Variants in SRPK1 observed in about 807,000 individuals in gnomAD.
SRPK1 encodes SRSF protein kinase 1.
A neutral mutation model predicts 89.5 loss-of-function variants in SRPK1; 52 were observed. The observed-to-expected ratio is 0.58, with a 90% confidence interval of 0.46 to 0.73. The LOEUF (loss-of-function observed/expected upper bound fraction) is 0.73. Among genes scored for constraint, SRPK1 ranks in the 30% least tolerant of loss-of-function variants. SRPK1 has a pLI of 0.00. For missense variants in SRPK1, 603 were observed against 780.6 expected (o/e 0.77, Z 2.71); for synonymous variants, 255 against 270.2 (o/e 0.94, Z 0.55).
chr6:35,850,464 C>T (rs531061306), intron 13 of SRPK1, among the ~76,000 whole-genome samples: 1 of 152,212 alleles, frequency 6.6e-6, no homozygotes, highest in South Asian at 2.1e-4. Flanking sequence ...ACAATAGCCA[C>T]AGATCAAAAA....
intron 8 of SRPK1, 129 bp from the exon 9 acceptor site, chr6:35,871,088 G>C (rs1259999083): frequency 2.0e-6 from 1 of 508,388 alleles, no homozygotes; most frequent in Non-Finnish European, 3.3e-6. Context: ...GAAAACTATT[G>C]TTTTTAAATG....
chr6:35,883,034 C>T (rs1467214854), intron 6 of SRPK1, among the ~76,000 whole-genome samples: 1 of 152,142 alleles, frequency 6.6e-6, no homozygotes, highest in Non-Finnish European at 1.5e-5. Context: ...GTCTTGAACT[C>T]CTGACCTCGT....
At chr6:35,907,755 T>C (rs1369584212) in intron 2 of SRPK1, among the ~76,000 whole-genome samples, 2 of 151,968 alleles carry the variant, frequency 1.3e-5, no homozygotes, top group Non-Finnish European at 2.9e-5. Context: ...AGTGAACACA[T>C]GAATAACAAG....
In SRPK1 at chr6:35,869,865, A is replaced by T; in HGVS notation, c.1028T>A (p.Met343Lys). The change falls in exon 11 of 16, where the codon ATG (methionine) becomes AAG (lysine). Residue 343 changes from methionine (M) to lysine (K), a missense_variant. By Grantham distance (95) the Met-to-Lys change is moderately conservative. Transcript: ENST00000373825. ...TGCACCACCCTCTGTATCACGTTCC[A>T]TAAGCGTTTGATCCTGGCCAATGGT... ...SSTIGQDQTL[M>K]ERDTEGGAAE... 1 of 1,594,130 alleles carries T rather than the reference A, an allele frequency of 6.3e-7. No individual in the cohort carries two copies. The highest frequency in any genetic ancestry group is 1.1e-5 in the South Asian group (1 of 88,048).
intron 14 of SRPK1, among the ~76,000 whole-genome samples, chr6:35,840,218 A>G (rs1323921439): frequency 6.6e-6 from 1 of 152,210 alleles, no homozygotes; most frequent in East Asian, 1.9e-4. Context: ...ATAACATGCT[A>G]GAGACGTCCA....
chr6:35,915,091 C>T (rs556815120), intron 2 of SRPK1, among the ~76,000 whole-genome samples: 8 of 152,230 alleles, frequency 5.3e-5, no homozygotes, highest in African/African-American at 1.9e-4. Flanking sequence ...CCACTGTGCC[C>T]GGCCAAACCT....
chr6:35,880,770 ATGGCCAGACAGAATATTT>A (rs1770268044), intron 6 of SRPK1, among the ~76,000 whole-genome samples: 3 of 129,512 alleles, frequency 2.3e-5, no homozygotes, highest in South Asian at 2.7e-4. Flanking sequence ...AGAAGAAGAA[ATGGCCAGACAGAATATTT>A]GAAAAAAAAA....
chr6:35,859,214 AAAT>A (rs1270441111), intron 12 of SRPK1, among the ~76,000 whole-genome samples: 8 of 152,328 alleles, frequency 5.3e-5, no homozygotes, highest in Middle Eastern at 3.4e-3. Flanking sequence ...GGGAGGAAAA[AAAT>A]AATATGTAAC....
At chr6:35,870,899 G>C (rs1371765445) in intron 9 of SRPK1, 35 bp downstream of exon 9, 1 of 1,559,474 alleles carries the variant, frequency 6.4e-7, no homozygotes, top group South Asian at 1.2e-5. Context: ...ATAGTCCATA[G>C]ATCAAAATTA....
chr6:35,894,063 G>A (rs1365711588), intron 2 of SRPK1, among the ~76,000 whole-genome samples: 1 of 151,990 alleles, frequency 6.6e-6, no homozygotes, highest in Non-Finnish European at 1.5e-5. Flanking sequence ...GGGACGTAGG[G>A]CTATCAATCA....
In SRPK1 at chr6:35,872,681, G is replaced by A. The variant is rs1348049467; in HGVS notation, c.633C>T (p.His211=). Residue 211 remains histidine (H), a synonymous_variant, in exon 8 of 16, where the codon CAC becomes CAT. Transcript: ENST00000373825. ...AGATGTTCTCTGGTTTAATGTCAGTGTGGATGATACGGCACTTGGTATGTA... is the reference window on the plus strand; with the variant it reads ...AGATGTTCTCTGGTTTAATGTCAGTATGGATGATACGGCACTTGGTATGTA... ...DYLHTKCRII[H]TDIKPENILL... The A allele has an allele frequency of 6.2e-7, 1 of 1,611,262 alleles. No individual in the cohort carries two copies. The highest frequency in any genetic ancestry group is 8.5e-7 in the Non-Finnish European group (1 of 1,178,770).
chr6:35,846,278 T>G (rs1371351381), intron 13 of SRPK1, among the ~76,000 whole-genome samples: 1 of 150,734 alleles, frequency 6.6e-6, no homozygotes, highest in Non-Finnish European at 1.5e-5. Context: ...AAAAAAAATC[T>G]AAAGATATGT....
At chr6:35,878,658 G>T (rs1770210853) in intron 6 of SRPK1, among the ~76,000 whole-genome samples, 1 of 152,178 alleles carries the variant, frequency 6.6e-6, no homozygotes, top group African/African-American at 2.4e-5. Context: ...GAGTCGGGTG[G>T]CCATTTTTGT....
At chr6:35,855,578 T>C (rs193288855) in intron 13 of SRPK1, among the ~76,000 whole-genome samples, 1 of 152,220 alleles carries the variant, frequency 6.6e-6, no homozygotes, top group Non-Finnish European at 1.5e-5. Flanking sequence ...CAAATATTTA[T>C]TAAACCCTGT....
chr6:35,891,077 C>T lies in SRPK1; in HGVS notation c.75-64G>A, dbSNP rs145466908. ...GAAGAAAATAAGACATTATCAAATGCTGCCCTCCCCACAAAAAACTAAACT... is the reference window on the plus strand; with the variant it reads ...GAAGAAAATAAGACATTATCAAATGTTGCCCTCCCCACAAAAAACTAAACT... On this transcript the variant is annotated intron_variant, in intron 2 of 15. Transcript: ENST00000373825. The T allele has an allele frequency of 9.4e-4, 1,397 of 1,488,310 alleles. 13 individuals are homozygous for T. The African/African-American group carries it at 0.017, about 18-fold the overall frequency. 92.2% of individuals were successfully genotyped at this position (1,488,310 alleles called of 1,614,324 possible). A position where few individuals can be genotyped will look rare whatever the true frequency, so the allele number is the denominator to read the frequency against.
intron 6 of SRPK1, among the ~76,000 whole-genome samples, chr6:35,881,901 C>G (rs949593931): frequency 1.9e-4 from 29 of 151,914 alleles, no homozygotes; most frequent in African/African-American, 7.0e-4. Flanking sequence ...CCAATGAGAT[C>G]TAATAGCCAT....
At chr6:35,842,698 G>T (rs545676063) in intron 13 of SRPK1, 94 bp from the exon 14 acceptor site, 79 of 661,472 alleles carry the variant, frequency 1.2e-4, no homozygotes, top group African/African-American at 1.1e-3. Context: ...AGTAACTCTT[G>T]TTCCCTTGGG....
chr6:35,890,218 G>A (rs1221495785), intron 3 of SRPK1, among the ~76,000 whole-genome samples: 2 of 152,316 alleles, frequency 1.3e-5, no homozygotes, highest in South Asian at 2.1e-4. Context: ...AGCTGAGATC[G>A]TGCCACAGCA....
At chr6:35,899,006 C>G (rs886608376) in intron 2 of SRPK1, among the ~76,000 whole-genome samples, 13 of 152,086 alleles carry the variant, frequency 8.5e-5, no homozygotes, top group Admixed American at 8.5e-4. Context: ...ACTAAAAATA[C>G]AAAAATTAGC....
Sources: gnomAD v4.1 joint callset for allele counts (sites outside exome capture counted in the v4.1 genomes callset) on GRCh38, gnomAD v4.1.1 for gene constraint, MANE v1.5 for transcripts, NCBI Gene and HGNC (gene_info 2026-07-23, HGNC 2026-07-21) for gene names.